EBF1: variants seen among roughly 807,000 people sequenced by gnomAD.
EBF1 encodes the protein transcription factor COE1.
Under a neutral mutation model 68.4 loss-of-function variants are expected in EBF1, and 10 were observed. The ratio of observed to expected loss-of-function variants is 0.15; its 90% CI spans 0.09 to 0.25. EBF1 has a LOEUF of 0.25. EBF1 is among the 10% of genes least tolerant of loss of function. The pLI is 1.00. For missense variants in EBF1, 509 were observed against 794.4 expected, an observed-to-expected ratio of 0.64 and a Z score of 4.32; for synonymous variants, 298 against 299.8, an observed-to-expected ratio of 0.99 and a Z score of 0.06.
intron 10 of EBF1, among the ~76,000 whole-genome samples, chr5:158,749,745 G>T (rs759600385): frequency 2.0e-5 from 3 of 152,024 alleles, no homozygotes; most frequent in Non-Finnish European, 4.4e-5. Flanking sequence ...TCTTTTACAC[G>T]GCAGGAATAT....
intron 6 of EBF1, among the ~76,000 whole-genome samples, chr5:158,992,659 C>T (rs748448182): frequency 4.6e-5 from 7 of 152,102 alleles, no homozygotes; most frequent in Non-Finnish European, 8.8e-5. Flanking sequence ...AAATATATAT[C>T]TCATCAAGTT....
chr5:158,757,232 G>A (rs1456455935), intron 10 of EBF1, among the ~76,000 whole-genome samples: 4 of 152,084 alleles, frequency 2.6e-5, no homozygotes, highest in Non-Finnish European at 4.4e-5. Context: ...AAGGGAAGGC[G>A]GGCTCTCTGC....
At chr5:158,712,400 G>T in intron 13 of EBF1, 67 bp from the exon 14 acceptor site, 1 of 1,556,182 alleles carries the variant, frequency 6.4e-7, no homozygotes, top group Non-Finnish European at 8.8e-7. Context: ...GGAAGACTCG[G>T]GGAAAGGAAG....
At chr5:158,732,992 T>G (rs1281656108) in intron 10 of EBF1, among the ~76,000 whole-genome samples, 1 of 152,200 alleles carries the variant, frequency 6.6e-6, no homozygotes, top group Non-Finnish European at 1.5e-5. Flanking sequence ...GCACAATATT[T>G]ATTATTCCTT....
chr5:158,810,181 C>T (rs1173812060), intron 8 of EBF1, among the ~76,000 whole-genome samples: 1 of 152,142 alleles, frequency 6.6e-6, no homozygotes, highest in Non-Finnish European at 1.5e-5. Context: ...ATATTTTCTT[C>T]CTCTATCAAG....
chr5:158,931,889 C>T (rs1190649651), intron 6 of EBF1, among the ~76,000 whole-genome samples: 1 of 152,188 alleles, frequency 6.6e-6, no homozygotes, highest in Non-Finnish European at 1.5e-5. Flanking sequence ...GATGCCTTTA[C>T]CAATTTTCAT....
At chr5:158,953,347 C>T (rs976879574) in intron 6 of EBF1, among the ~76,000 whole-genome samples, 14 of 152,262 alleles carry the variant, frequency 9.2e-5, no homozygotes, top group African/African-American at 2.6e-4. Flanking sequence ...TGACAGGCCG[C>T]GATTTTGCAA....
chr5:159,045,377 C>T (rs115303819), intron 6 of EBF1, among the ~76,000 whole-genome samples: 8 of 151,628 alleles, frequency 5.3e-5, no homozygotes, highest in South Asian at 2.1e-4. Flanking sequence ...TTCTCCCCTA[C>T]GTACACCCAC....
intron 11 of EBF1, among the ~76,000 whole-genome samples, chr5:158,727,847 C>T (rs932956208): frequency 2.6e-5 from 4 of 152,160 alleles, no homozygotes; most frequent in Non-Finnish European, 5.9e-5. Context: ...AAAGCACATG[C>T]CTGTATACAA....
At chr5:158,789,694 G>T (rs1487238287) in intron 9 of EBF1, among the ~76,000 whole-genome samples, 1 of 152,090 alleles carries the variant, frequency 6.6e-6, no homozygotes, top group Non-Finnish European at 1.5e-5. Flanking sequence ...AACTATACTT[G>T]ACTGAAAAAA....
chr5:159,083,884 A>C (rs946900742), intron 5 of EBF1, among the ~76,000 whole-genome samples: 3 of 152,280 alleles, frequency 2.0e-5, no homozygotes, highest in African/African-American at 7.2e-5. Context: ...TACTTTATGC[A>C]GAATAAGAAT....
At chr5:158,969,919 A>AAGAAAGAAAGAAAGAAAGAAAGAAAG (rs1554093998) in intron 6 of EBF1, among the ~76,000 whole-genome samples, 5 of 60,214 alleles carry the variant, frequency 8.3e-5, no homozygotes, top group Non-Finnish European at 1.4e-4. Flanking sequence ...AAAGAAAGAA[A>AAGAAAGAAAGAAAGAAAGAAAGAAAG]AAAAAAAAAA....
At chr5:159,084,801 T>G in intron 4 of EBF1, 62 bp from the exon 5 acceptor site, 1 of 1,219,380 alleles carries the variant, frequency 8.2e-7, no homozygotes, top group East Asian at 2.6e-5. Flanking sequence ...AAAAAAAAAA[T>G]CACAATTGAG....
In EBF1 at chr5:158,980,746, T is replaced by G. The variant is rs1294769066; in HGVS notation, c.554+92650A>C. 2.6e-5 allele frequency among the ~76,000 whole-genome samples: 4 copies of G among 152,212 alleles called. No individual in the cohort carries two copies. The South Asian group carries it at 8.3e-4, about 31-fold the overall frequency. On this transcript the variant is annotated intron_variant, in intron 6 of 15. Transcript: ENST00000313708. ...GCTAGAAACATGTTGCTACTGAAGGTGTCTCTATGACACCCAGAACAGTAA... is the reference window on the plus strand; with the variant it reads ...GCTAGAAACATGTTGCTACTGAAGGGGTCTCTATGACACCCAGAACAGTAA...
intron 6 of EBF1, among the ~76,000 whole-genome samples, chr5:158,899,799 C>G (rs1450479668): frequency 6.6e-6 from 1 of 152,072 alleles, no homozygotes; most frequent in African/African-American, 2.4e-5. Context: ...GTGGTCAGAG[C>G]CATGTGTTTT....
At chr5:159,046,080 C>T (rs778276373) in intron 6 of EBF1, among the ~76,000 whole-genome samples, 2 of 152,206 alleles carry the variant, frequency 1.3e-5, no homozygotes, top group African/African-American at 2.4e-5. Context: ...CTGTTCCCTA[C>T]AGCTCTCCGT....
chr5:159,043,495 G>T (rs564374829), intron 6 of EBF1, among the ~76,000 whole-genome samples: 3 of 152,192 alleles, frequency 2.0e-5, no homozygotes, highest in African/African-American at 4.8e-5. Flanking sequence ...TCTTCGCTTG[G>T]TACATAGTAG....
intron 15 of EBF1, among the ~76,000 whole-genome samples, chr5:158,702,069 C>A (rs887957967): frequency 6.6e-6 from 1 of 152,174 alleles, no homozygotes; most frequent in African/African-American, 2.4e-5. Flanking sequence ...TTCTCTAAAT[C>A]CCAATCATGA....
At chr5:158,777,824 T>G (rs1163677580) in intron 9 of EBF1, among the ~76,000 whole-genome samples, 1 of 152,126 alleles carries the variant, frequency 6.6e-6, no homozygotes, top group African/African-American at 2.4e-5. Context: ...CTACAGGATA[T>G]CCTTTGGAAA....
Sources: gnomAD v4.1 joint callset for allele counts (sites outside exome capture counted in the v4.1 genomes callset) on GRCh38, gnomAD v4.1.1 for gene constraint, MANE v1.5 for transcripts, NCBI Gene and HGNC (gene_info 2026-07-23, HGNC 2026-07-21) for gene names.